Variants in ST3GAL2 observed in about 807,000 individuals in gnomAD.
ST3GAL2 encodes CMP-N-acetylneuraminate-beta-galactosamide-alpha-2,3-sialyltransferase 2.
ST3GAL2 carries 16 observed loss-of-function variants against 37.5 expected under a neutral mutation model. That is an observed-to-expected ratio of 0.43 (90% CI 0.29 to 0.65). The LOEUF is 0.65. ST3GAL2 is among the 30% of genes least tolerant of loss of function. The pLI, the probability that ST3GAL2 is intolerant of heterozygous loss-of-function variation, is 0.17. For synonymous variants in ST3GAL2, 238 were observed against 202.9 expected, an observed-to-expected ratio of 1.17 and a Z score of -1.47; for missense variants, 383 against 487.8, an observed-to-expected ratio of 0.79 and a Z score of 2.02.
At chr16:70,391,197 C>T (rs2047479958) in intron 3 of ST3GAL2, among the ~76,000 whole-genome samples, 1 of 152,150 alleles carries the variant, frequency 6.6e-6, no homozygotes, top group African/African-American at 2.4e-5. Flanking sequence ...ATCACTGTGC[C>T]CCCTACCTCT....
rs774565768 is a variant in ST3GAL2, at chr16:70,382,755, C to T, written c.879+50G>A. Reference sequence around the variant, plus strand: ...GCCTGCTAAGACCCGAGAAGGCCTGCACTCCTCTGTTCCATGGGTTCCCAC... The same window carrying T: ...GCCTGCTAAGACCCGAGAAGGCCTGTACTCCTCTGTTCCATGGGTTCCCAC... On this transcript the variant is annotated intron_variant, in intron 6 of 6. Coordinates refer to ENST00000342907, the MANE Select transcript of ST3GAL2 (RefSeq NM_006927.4). The T allele has an allele frequency of 3.4e-5, 54 of 1,611,428 alleles. 1 individual carries two copies. Among genetic ancestry groups the T allele is most frequent in the Non-Finnish European group, 4.5e-5 (53 of 1,178,496 alleles).
rs146188521 is a variant in ST3GAL2, at chr16:70,377,393, T to C, written c.*4296A>G. On this transcript the variant is annotated 3_prime_UTR_variant, in exon 7 of 7. Transcript: ENST00000342907. ...TACTCAGGAGGCTGAGACAGGAGAATGGTGTGAACCCGGGAGGCGGAGCTT... is the reference window on the plus strand; with the variant it reads ...TACTCAGGAGGCTGAGACAGGAGAACGGTGTGAACCCGGGAGGCGGAGCTT... 8.8e-3 allele frequency: 1,263 copies of C among 143,928 alleles called. 7 individuals carry two copies. The highest frequency in any genetic ancestry group is 0.022 in the Admixed American group (303 of 13,878). 8.9% of individuals were successfully genotyped at this position (143,928 alleles called of 1,614,324 possible).
At chr16:70,424,916 A>T (rs1392371150) in intron 1 of ST3GAL2, among the ~76,000 whole-genome samples, 4 of 152,184 alleles carry the variant, frequency 2.6e-5, no homozygotes, top group Admixed American at 1.3e-4. Flanking sequence ...TCTGATATGG[A>T]GTCTGTGTCC....
intron 1 of ST3GAL2, among the ~76,000 whole-genome samples, chr16:70,408,890 CAAAAAA>C (rs59060353): frequency 3.3e-4 from 20 of 59,842 alleles, no homozygotes; most frequent in African/African-American, 6.2e-4. Flanking sequence ...CTCAAAGAAA[CAAAAAA>C]AAAAAAAAAA....
At chr16:70,438,812 G>A (rs931614612) in intron 1 of ST3GAL2, 137 bp downstream of exon 1, 3 of 151,942 alleles carry the variant, frequency 2.0e-5, no homozygotes, top group Non-Finnish European at 4.4e-5. Flanking sequence ...CCGGCGCCCC[G>A]ACCCGGGGGA....
intron 1 of ST3GAL2, among the ~76,000 whole-genome samples, chr16:70,435,923 C>T (rs2047822099): frequency 6.6e-6 from 1 of 151,052 alleles, no homozygotes; most frequent in South Asian, 2.1e-4. Flanking sequence ...GTCAGGAGTT[C>T]GAGACCAGCC....
intron 4 of ST3GAL2, among the ~76,000 whole-genome samples, chr16:70,384,402 G>C (rs1243450395): frequency 2.0e-5 from 3 of 152,162 alleles, no homozygotes; most frequent in Non-Finnish European, 4.4e-5. Flanking sequence ...ACTTACATGA[G>C]GCATAAAGAA....
chr16:70,403,300 T>C (rs984430676), intron 1 of ST3GAL2, among the ~76,000 whole-genome samples: 3 of 152,152 alleles, frequency 2.0e-5, no homozygotes, highest in Non-Finnish European at 4.4e-5. Context: ...CTGAGCAACC[T>C]TGTGGATGGG....
intron 3 of ST3GAL2, among the ~76,000 whole-genome samples, chr16:70,390,740 AAG>A (rs1307133030): frequency 6.6e-6 from 1 of 152,234 alleles, no homozygotes; most frequent in Non-Finnish European, 1.5e-5. Context: ...ATAATAAGCC[AAG>A]AAGGCTTCCA....
intron 1 of ST3GAL2, among the ~76,000 whole-genome samples, chr16:70,412,480 C>CA (rs1174034714): frequency 5.3e-5 from 8 of 151,826 alleles, no homozygotes; most frequent in Non-Finnish European, 1.0e-4. Flanking sequence ...CCTATCTCTA[C>CA]AAAAAATACA....
Position 70,379,616 on chromosome 16 carries a change from G to A in ST3GAL2, c.*2073C>T, listed in dbSNP as rs1490523570. 2.0e-5 allele frequency: 3 copies of A among 152,162 alleles called. No individual in the cohort carries two copies. Among genetic ancestry groups the A allele is most frequent in the Non-Finnish European group, 2.9e-5 (2 of 68,038 alleles). 9.4% of individuals were successfully genotyped at this position (152,162 alleles called of 1,614,324 possible). On this transcript the variant is annotated 3_prime_UTR_variant, in exon 7 of 7. Coordinates refer to ENST00000342907, the MANE Select transcript of ST3GAL2 (RefSeq NM_006927.4). ...TGCTGGGACCTACCTCTTCCAGGATGGGGATTCATGATTTAATTTTTTTGA... is the reference window on the plus strand; with the variant it reads ...TGCTGGGACCTACCTCTTCCAGGATAGGGATTCATGATTTAATTTTTTTGA...
Position 70,398,870 on chromosome 16 carries a change from T to C in ST3GAL2, c.-340A>G, listed in dbSNP as rs901192858. 1.0e-4 allele frequency: 48 copies of C among 473,908 alleles called. No individual in the cohort carries two copies. In the Admixed American group the frequency reaches 1.3e-3, roughly 12 times the overall value. The allele number at this position is 473,908 out of a possible 1,614,324, so 29.4% of individuals were successfully genotyped here. On this transcript the variant is annotated 5_prime_UTR_variant, in exon 2 of 7. Coordinates refer to ENST00000342907, the MANE Select transcript of ST3GAL2 (RefSeq NM_006927.4). ...TTGCAGCCCTCTAGTCCCTTGGGAT[T>C]GCTGGCTGCCAGCTCTAGGGGTCCC...
chr16:70,427,981 T>C (rs1486594917), intron 1 of ST3GAL2, among the ~76,000 whole-genome samples: 1 of 152,190 alleles, frequency 6.6e-6, no homozygotes, highest in Non-Finnish European at 1.5e-5. Flanking sequence ...CTAATTCCTC[T>C]CATCACAACA....
rs145323969 is a variant in ST3GAL2 at position 70,412,974 on chromosome 16, C to A, written c.-1003-13441G>T. Among the ~76,000 whole-genome samples the A allele has an allele frequency of 5.1e-4, 78 of 152,284 alleles. No homozygotes were observed. The East Asian group carries it at 0.014, about 28-fold the overall frequency. On this transcript the variant is annotated intron_variant, in intron 1 of 6. Coordinates refer to ENST00000342907, the MANE Select transcript of ST3GAL2 (RefSeq NM_006927.4). Reference sequence around the variant, plus strand: ...GGCGAAAGGTTGGCTTGAGGCTGGGCACGGTGGCACACACCTGTAATCCCA... The same window carrying A: ...GGCGAAAGGTTGGCTTGAGGCTGGGAACGGTGGCACACACCTGTAATCCCA...
Position 70,426,181 on chromosome 16 carries a change from C to CTTTTTTTTTT in ST3GAL2, c.-1004+12758_-1004+12767dup, listed in dbSNP as rs56342720. On this transcript the variant is annotated intron_variant, in intron 1 of 6. Transcript: ENST00000342907. Reference sequence around the variant, plus strand: ...TGCAATGCATTATGGGGGCCAAAGCCTTTTTTTTTTTTTTTTTTTTTTTTG... The same window carrying CTTTTTTTTTT: ...TGCAATGCATTATGGGGGCCAAAGCCTTTTTTTTTTTTTTTTTTTTTTTTTTTTTTTTTTG... 2.2e-3 allele frequency among the ~76,000 whole-genome samples: 216 copies of CTTTTTTTTTT among 99,522 alleles called. 2 individuals carry two copies. The highest frequency in any genetic ancestry group is 3.8e-3 in the East Asian group (12 of 3,136). 65.3% of individuals were successfully genotyped at this position (99,522 alleles called of 152,430 possible).
chr16:70,428,632 T>C (rs1203316376), intron 1 of ST3GAL2, among the ~76,000 whole-genome samples: 1 of 152,216 alleles, frequency 6.6e-6, no homozygotes, highest in East Asian at 1.9e-4. Flanking sequence ...GGAAACCTTA[T>C]GCTCTGCTCA....
rs1054969386 is a variant in ST3GAL2, at chr16:70,429,453, C to T, written c.-1004+9496G>A. ...CTAAAAATACAAAAAATTAGCCGGGCGTAGTGGCAGATGCCTGTAGTCCCA... is the reference window on the plus strand; with the variant it reads ...CTAAAAATACAAAAAATTAGCCGGGTGTAGTGGCAGATGCCTGTAGTCCCA... On this transcript the variant is annotated intron_variant, in intron 1 of 6. Coordinates refer to ENST00000342907, the MANE Select transcript of ST3GAL2 (RefSeq NM_006927.4). Among the ~76,000 whole-genome samples, 51 of 151,814 alleles carry T rather than the reference C, an allele frequency of 3.4e-4. 1 individual carries two copies. The highest frequency in any genetic ancestry group is 1.0e-3 in the African/African-American group (43 of 41,434).
chr16:70,403,612 G>A (rs1269346115), intron 1 of ST3GAL2, among the ~76,000 whole-genome samples: 4 of 152,226 alleles, frequency 2.6e-5, no homozygotes, highest in Non-Finnish European at 5.9e-5. Context: ...GGGAGATTGA[G>A]ACCTTCCTGG....
chr16:70,432,127 G>A (rs540855200), intron 1 of ST3GAL2, among the ~76,000 whole-genome samples: 1 of 152,038 alleles, frequency 6.6e-6, no homozygotes, highest in African/African-American at 2.4e-5. Context: ...ATTCCAGCCT[G>A]GGTGACACAG....
Sources: allele counts gnomAD v4.1 joint callset (sites outside exome capture counted in the v4.1 genomes callset), GRCh38; gene constraint gnomAD v4.1.1; transcripts MANE v1.5; gene names NCBI Gene and HGNC (gene_info 2026-07-23, HGNC 2026-07-21).